SSH2: variants seen among roughly 807,000 people sequenced by gnomAD.
SSH2 encodes slingshot protein phosphatase 2.
SSH2 carries 37 observed loss-of-function variants against 135.2 expected under a neutral mutation model. The ratio of observed to expected loss-of-function variants is 0.27; its 90% CI spans 0.21 to 0.36. SSH2 has a LOEUF of 0.36. SSH2 is among the 10% of genes least tolerant of loss of function. The probability of loss-of-function intolerance (pLI) is 1.00; values close to 1 mark genes in which losing one functional copy is unlikely to be tolerated. For missense variants in SSH2, 1,408 were observed against 1,765.3 expected (o/e 0.80, Z 3.63); for synonymous variants, 628 against 646.2 (o/e 0.97, Z 0.43).
intron 4 of SSH2, among the ~76,000 whole-genome samples, chr17:29,699,540 T>C (rs771313113): frequency 7.2e-5 from 11 of 152,196 alleles, no homozygotes; most frequent in Non-Finnish European, 1.2e-4. Flanking sequence ...AATCTGCTTT[T>C]CTTTTTAGTA....
intron 15 of SSH2, among the ~76,000 whole-genome samples, chr17:29,635,507 C>G (rs1403056683): frequency 6.6e-6 from 1 of 151,806 alleles, no homozygotes; most frequent in Non-Finnish European, 1.5e-5. Flanking sequence ...TGGGTTCACA[C>G]CATTCTCCTG....
intron 2 of SSH2, among the ~76,000 whole-genome samples, chr17:29,832,312 G>A (rs779735765): frequency 6.6e-6 from 1 of 152,044 alleles, no homozygotes; most frequent in Non-Finnish European, 1.5e-5. Flanking sequence ...TTAAATTTCT[G>A]GTAGAGATGG....
At chr17:29,837,156 C>G (rs1402028657) in intron 2 of SSH2, among the ~76,000 whole-genome samples, 2 of 151,712 alleles carry the variant, frequency 1.3e-5, no homozygotes, top group African/African-American at 2.4e-5. Context: ...ACTTGGGAGG[C>G]TGAGGCAGGA....
At chr17:29,764,114 TA>T (rs1161133497) in intron 3 of SSH2, among the ~76,000 whole-genome samples, 29 of 152,088 alleles carry the variant, frequency 1.9e-4, no homozygotes, top group Non-Finnish European at 3.4e-4. Context: ...CATGCCTGGC[TA>T]ATTTTTTGTA....
intron 3 of SSH2, among the ~76,000 whole-genome samples, chr17:29,748,623 T>C (rs1256888570): frequency 6.6e-6 from 1 of 152,180 alleles, no homozygotes; most frequent in Admixed American, 6.5e-5. Flanking sequence ...AGACAAGATC[T>C]AGATTTTAAG....
At chr17:29,689,592 C>A (rs930932325) in intron 5 of SSH2, among the ~76,000 whole-genome samples, 1 of 152,168 alleles carries the variant, frequency 6.6e-6, no homozygotes, top group Non-Finnish European at 1.5e-5. Flanking sequence ...CAAGAAACTA[C>A]ATTTACTGCC....
At position 29,911,103 on chromosome 17, in the gene SSH2, A is replaced by G. The variant is rs1460623222; in HGVS notation, c.63+18835T>C. 4.6e-5 allele frequency among the ~76,000 whole-genome samples: 7 copies of G among 152,348 alleles called. No homozygotes were observed. The East Asian group carries it at 5.8e-4, about 13-fold the overall frequency. Reference sequence around the variant, plus strand: ...TATCACATGCTACACCTATGGTAACAGTAACAGTTACCATTTATTGAAGGC... The same window carrying G: ...TATCACATGCTACACCTATGGTAACGGTAACAGTTACCATTTATTGAAGGC... On this transcript the variant is annotated intron_variant, in intron 1 of 15. Transcript: ENST00000540801.
At chr17:29,840,959 A>G (rs964031071) in intron 2 of SSH2, among the ~76,000 whole-genome samples, 1 of 152,168 alleles carries the variant, frequency 6.6e-6, no homozygotes, top group African/African-American at 2.4e-5. Flanking sequence ...TTTAACTACT[A>G]CATGATGCTG....
intron 1 of SSH2, among the ~76,000 whole-genome samples, chr17:29,907,225 G>A (rs897792097): frequency 6.6e-6 from 1 of 152,174 alleles, no homozygotes; most frequent in African/African-American, 2.4e-5. Context: ...AATGGATGGA[G>A]TTGGAAGCCA....
intron 4 of SSH2, among the ~76,000 whole-genome samples, chr17:29,700,208 C>T (rs956555474): frequency 3.9e-5 from 6 of 152,252 alleles, no homozygotes; most frequent in African/African-American, 1.4e-4. Flanking sequence ...TTTTTTCACT[C>T]CTGGAGGTCA....
intron 1 of SSH2, among the ~76,000 whole-genome samples, chr17:29,926,824 C>A (rs918314644): frequency 2.0e-5 from 3 of 152,166 alleles, no homozygotes; most frequent in South Asian, 2.1e-4. Flanking sequence ...ACTTGCAATA[C>A]TCTCTTCTTC....
chr17:29,891,049 C>T (rs182552082), intron 1 of SSH2, among the ~76,000 whole-genome samples: 109 of 152,208 alleles, frequency 7.2e-4, no homozygotes, highest in African/African-American at 2.6e-3. Context: ...CCACCACGCC[C>T]GGTCTGAAAA....
At chr17:29,770,813 G>A (rs1466754921) in intron 3 of SSH2, among the ~76,000 whole-genome samples, 5 of 152,046 alleles carry the variant, frequency 3.3e-5, no homozygotes, top group Non-Finnish European at 7.4e-5. Flanking sequence ...CCCATTCTGA[G>A]ACCACTTCTA....
chr17:29,837,583 C>G (rs1335660226), intron 2 of SSH2, among the ~76,000 whole-genome samples: 8 of 152,126 alleles, frequency 5.3e-5, no homozygotes, highest in African/African-American at 1.9e-4. Flanking sequence ...ACTGCACCAC[C>G]CCCACCCTCG....
chr17:29,901,576 G>A (rs990867793), intron 1 of SSH2, among the ~76,000 whole-genome samples: 1 of 152,146 alleles, frequency 6.6e-6, no homozygotes, highest in African/African-American at 2.4e-5. Flanking sequence ...TTTCACAGAC[G>A]TTCTTTGACC....
intron 2 of SSH2, among the ~76,000 whole-genome samples, chr17:29,817,501 C>T (rs910497546): frequency 6.6e-6 from 1 of 152,172 alleles, no homozygotes; most frequent in Non-Finnish European, 1.5e-5. Context: ...TCATAATATG[C>T]TTCATCCATG....
At chr17:29,721,998 C>T (rs952287588) in intron 3 of SSH2, among the ~76,000 whole-genome samples, 2 of 152,112 alleles carry the variant, frequency 1.3e-5, no homozygotes, top group Non-Finnish European at 2.9e-5. Flanking sequence ...TTTGTAAGGC[C>T]GGATGCAGTG....
intron 2 of SSH2, among the ~76,000 whole-genome samples, chr17:29,818,539 C>T (rs113661745): frequency 0.062 from 9,449 of 152,136 alleles, 544 homozygotes; most frequent in African/African-American, 0.16. Context: ...TAAGCCACTG[C>T]GCCCAGCCCG....
At chr17:29,746,097 T>C (rs1227238583) in intron 3 of SSH2, among the ~76,000 whole-genome samples, 2 of 152,186 alleles carry the variant, frequency 1.3e-5, no homozygotes, top group African/African-American at 2.4e-5. Flanking sequence ...AACACAATGA[T>C]AGATATCAAG....
Sources: gnomAD v4.1 joint callset for allele counts (sites outside exome capture counted in the v4.1 genomes callset) on GRCh38, gnomAD v4.1.1 for gene constraint, MANE v1.5 for transcripts, NCBI Gene and HGNC (gene_info 2026-07-23, HGNC 2026-07-21) for gene names.